The following ANKS1B variants were observed in gnomAD, a reference collection of about 807,000 sequenced individuals.
ANKS1B encodes ankyrin repeat and sterile alpha motif domain-containing protein 1B.
In ANKS1B, 36 loss-of-function variants were observed where a neutral mutation model predicts 148.3. That is an observed-to-expected ratio of 0.24 (90% CI 0.19 to 0.32). ANKS1B has a LOEUF of 0.32. Among genes scored for constraint, ANKS1B ranks in the 10% least tolerant of loss-of-function variants. ANKS1B has a pLI of 1.00. For synonymous variants in ANKS1B, 542 were observed against 560.8 expected (o/e 0.97, Z 0.47); for missense variants, 1,157 against 1,542.6 (o/e 0.75, Z 4.19).
chr12:99,249,104 T>C (rs1288383122), intron 12 of ANKS1B, among the ~76,000 whole-genome samples: 1 of 152,130 alleles, frequency 6.6e-6, no homozygotes, highest in Non-Finnish European at 1.5e-5. Flanking sequence ...TGGGTGACAA[T>C]AATGGGGATT....
At chr12:99,467,416 A>G (rs2096141980) in intron 10 of ANKS1B, among the ~76,000 whole-genome samples, 1 of 152,172 alleles carries the variant, frequency 6.6e-6, no homozygotes, top group Non-Finnish European at 1.5e-5. Flanking sequence ...CCTATTCAAC[A>G]TAGTGTTGGA....
intron 8 of ANKS1B, among the ~76,000 whole-genome samples, chr12:99,734,027 C>G (rs187366665): frequency 6.6e-6 from 1 of 152,270 alleles, no homozygotes; most frequent in East Asian, 1.9e-4. Context: ...TGTTCCAAAC[C>G]TTAATCACCA....
chr12:99,319,979 G>T (rs2154030827), intron 12 of ANKS1B, among the ~76,000 whole-genome samples: 1 of 152,230 alleles, frequency 6.6e-6, no homozygotes, highest in South Asian at 2.1e-4. Context: ...ATGAAATTCT[G>T]GGTTGAAAGT....
At chr12:98,855,532 AG>A (rs1389024528) in intron 17 of ANKS1B, among the ~76,000 whole-genome samples, 12 of 152,258 alleles carry the variant, frequency 7.9e-5, no homozygotes, top group African/African-American at 2.9e-4. Flanking sequence ...GTTCTTCACC[AG>A]AACTATATGG....
chr12:98,895,391 C>G, intron 17 of ANKS1B: 3 of 861,430 alleles, frequency 3.5e-6, no homozygotes, highest in Non-Finnish European at 4.2e-6. Flanking sequence ...ACCGGCTCGG[C>G]AGCGGCAGAG....
intron 20 of ANKS1B, among the ~76,000 whole-genome samples, chr12:98,806,148 C>T (rs1240309116): frequency 6.6e-6 from 1 of 152,240 alleles, no homozygotes; most frequent in African/African-American, 2.4e-5. Flanking sequence ...CTGGGAATTA[C>T]AGGCATGAGA....
Position 98,810,407 on chromosome 12 carries a change from G to C in ANKS1B, c.3067-2489C>G. On this transcript the variant is annotated intron_variant, in intron 19 of 26. Transcript: ENST00000683438. ...ACCTTCATGAATATTCACAGCTCTTGTAACACATTGAATATATGTGTTTAG... is the reference window on the plus strand; with the variant it reads ...ACCTTCATGAATATTCACAGCTCTTCTAACACATTGAATATATGTGTTTAG... Among the ~76,000 whole-genome samples the C allele has an allele frequency of 1.3e-5, 2 of 152,182 alleles. 1 individual carries two copies. The highest frequency in any genetic ancestry group is 2.9e-5 in the Non-Finnish European group (2 of 68,046).
chr12:99,657,659 A>ATATATATATATATATATT (rs66516058), intron 8 of ANKS1B, among the ~76,000 whole-genome samples: 1,709 of 146,754 alleles, frequency 0.012, 25 homozygotes, highest in South Asian at 0.025. Context: ...ATATATATAT[A>ATATATATATATATATATT]TGATAAAGTT....
chr12:99,095,820 T>C (rs2055868859), intron 15 of ANKS1B, among the ~76,000 whole-genome samples: 1 of 152,224 alleles, frequency 6.6e-6, no homozygotes, highest in South Asian at 2.1e-4. Flanking sequence ...TGTTTGTGTG[T>C]CAATTATAGC....
intron 1 of ANKS1B, among the ~76,000 whole-genome samples, chr12:99,908,908 T>G (rs2093894680): frequency 6.6e-6 from 1 of 152,146 alleles, no homozygotes; most frequent in Non-Finnish European, 1.5e-5. Context: ...GATATCATTC[T>G]GTACATTGGA....
chr12:98,963,707 GAA>G (rs2099875461), intron 17 of ANKS1B, among the ~76,000 whole-genome samples: 1 of 152,140 alleles, frequency 6.6e-6, no homozygotes, highest in South Asian at 2.1e-4. Context: ...TCAATAAAGT[GAA>G]GAGACAGCCC....
intron 17 of ANKS1B, among the ~76,000 whole-genome samples, chr12:98,834,039 C>G (rs2153701441): frequency 6.6e-6 from 1 of 152,314 alleles, no homozygotes; most frequent in African/African-American, 2.4e-5. Flanking sequence ...TAAACTCACA[C>G]TACGCCCTAT....
At chr12:99,813,627 C>T (rs2068715512) in intron 2 of ANKS1B, among the ~76,000 whole-genome samples, 1 of 151,312 alleles carries the variant, frequency 6.6e-6, no homozygotes. Context: ...ACATACTGTC[C>T]AGAATGTGTC....
intron 1 of ANKS1B, among the ~76,000 whole-genome samples, chr12:99,906,140 G>A (rs768812594): frequency 3.9e-4 from 59 of 152,200 alleles, no homozygotes; most frequent in Non-Finnish European, 7.3e-4. Flanking sequence ...GAAATTCTTA[G>A]GAGTAGACCA....
intron 14 of ANKS1B, among the ~76,000 whole-genome samples, chr12:99,225,104 A>G (rs568631830): frequency 6.6e-6 from 1 of 152,284 alleles, no homozygotes; most frequent in Non-Finnish European, 1.5e-5. Context: ...ACTACTTATC[A>G]CTGTATACCT....
rs190008999 is a variant in ANKS1B, at chr12:99,213,604, G to T, written c.2419+30738C>A. Among the ~76,000 whole-genome samples, 12 of 152,316 alleles carry T rather than the reference G, an allele frequency of 7.9e-5. No individual in the cohort carries two copies. In the East Asian group the frequency reaches 2.3e-3, roughly 29 times the overall value. On this transcript the variant is annotated intron_variant, in intron 14 of 26. Transcript: ENST00000683438. The stretch of plus-strand genomic sequence containing the variant: ...GGATGTGTATATGGAGAGCGGGAAA[G>T]GAGCTCTTTATACTCAGAGAGCTGA...
At chr12:99,880,714 A>T (rs1433419990) in intron 1 of ANKS1B, among the ~76,000 whole-genome samples, 1 of 152,220 alleles carries the variant, frequency 6.6e-6, no homozygotes, top group Non-Finnish European at 1.5e-5. Flanking sequence ...CTCTGATTAT[A>T]TCCTTTATTA....
At chr12:99,480,286 T>C (rs2096389856) in intron 10 of ANKS1B, among the ~76,000 whole-genome samples, 1 of 151,906 alleles carries the variant, frequency 6.6e-6, no homozygotes, top group Non-Finnish European at 1.5e-5. Context: ...AGCTTCTTCA[T>C]GTGTAGTGTG....
intron 8 of ANKS1B, among the ~76,000 whole-genome samples, chr12:99,765,682 C>T (rs2153612992): frequency 6.6e-6 from 1 of 152,128 alleles, no homozygotes; most frequent in African/African-American, 2.4e-5. Flanking sequence ...CAGACCAATC[C>T]AAGAACAAAA....
Sources: gnomAD v4.1 joint callset for allele counts (sites outside exome capture counted in the v4.1 genomes callset) on GRCh38, gnomAD v4.1.1 for gene constraint, MANE v1.5 for transcripts, NCBI Gene and HGNC (gene_info 2026-07-23, HGNC 2026-07-21) for gene names.